The following CYP2A6 variants were observed in gnomAD, a reference collection of about 807,000 sequenced individuals.
CYP2A6 encodes cytochrome P450 family 2 subfamily A member 6.
CYP2A6 carries 27 observed loss-of-function variants against 42.3 expected under a neutral mutation model. The ratio of observed to expected loss-of-function variants is 0.64; its 90% confidence interval spans 0.47 to 0.88. CYP2A6 has a LOEUF of 0.88. CYP2A6 is among the 40% of genes least tolerant of loss of function. The pLI is 0.00. For missense variants in CYP2A6, 628 were observed against 646.0 expected, an observed-to-expected ratio of 0.97 and a Z score of 0.30; for synonymous variants, 238 against 246.3, an observed-to-expected ratio of 0.97 and a Z score of 0.31.
Position 40,843,651 on chromosome 19 carries a change from G to C in CYP2A6, c.*145C>G. ...TATCAAGGTGAACTGAGCCGCTTCT[G>C]TTTCTTCTCTTCCCTCTAGCCACCA... On this transcript the variant is annotated 3_prime_UTR_variant, in exon 9 of 9. Transcript: ENST00000301141. The C allele has an allele frequency of 8.6e-7, 1 of 1,160,130 alleles. No homozygotes were observed. Among genetic ancestry groups the C allele is most frequent in the Non-Finnish European group, 1.2e-6 (1 of 857,646 alleles). The allele number at this position is 1,160,130 out of a possible 1,614,324, so 71.9% of individuals were successfully genotyped here. A position where few individuals can be genotyped will look rare whatever the true frequency, so the allele number is the denominator to read the frequency against.
intron 4 of CYP2A6, 118 bp from the exon 5 acceptor site, chr19:40,847,169 G>A (rs1191188016): frequency 6.9e-7 from 1 of 1,450,168 alleles, no homozygotes; most frequent in East Asian, 2.5e-5. Context: ...CTGTCTCGTT[G>A]TTTAGGTATT....
intron 2 of CYP2A6, among the ~76,000 whole-genome samples, 188 bp from the exon 3 acceptor site, chr19:40,848,951 A>AGAGAGAGAGAAGAGAGAGAG (rs1967154765): frequency 9.7e-6 from 1 of 103,038 alleles, no homozygotes; most frequent in Non-Finnish European, 1.9e-5. Context: ...AGAGAGAGAG[A>AGAGAGAGAGAAGAGAGAGAG]GAGAGAGAGA....
chr19:40,844,199 A>G (rs1379658983), intron 8 of CYP2A6, among the ~76,000 whole-genome samples: 1 of 151,146 alleles, frequency 6.6e-6, no homozygotes, highest in African/African-American at 2.4e-5. Flanking sequence ...AACAAAGTCC[A>G]TAGTTTACAT....
intron 2 of CYP2A6, among the ~76,000 whole-genome samples, 177 bp from the exon 3 acceptor site, chr19:40,848,940 T>TAGAGAGAGAGAGAGAGAG (rs67032351): frequency 1.5e-5 from 1 of 66,164 alleles, no homozygotes; most frequent in African/African-American, 7.0e-5. Flanking sequence ...GATGTCGAGG[T>TAGAGAGAGAGAGAGAGAG]AGAGAGAGAG....
Position 40,845,187 on chromosome 19 carries a change from T to G in CYP2A6, c.1161+107A>C, listed in dbSNP as rs758369741. 8 of 1,431,902 alleles carry G rather than the reference T, an allele frequency of 5.6e-6. No homozygotes were observed. The South Asian group carries it at 9.4e-5, about 17-fold the overall frequency. The allele number at this position is 1,431,902 out of a possible 1,614,324, so 88.7% of individuals were successfully genotyped here. A position where few individuals can be genotyped will look rare whatever the true frequency, so the allele number is the denominator to read the frequency against. ...GTTGGGGAAGTCTTTTTTGACTGAT[T>G]GAGGGAGTGGGACAGGGTCTAGAAA... On this transcript the variant is annotated intron_variant, in intron 7 of 8. Coordinates refer to ENST00000301141, the MANE Select transcript of CYP2A6 (RefSeq NM_000762.6).
chr19:40,847,641 T>A (rs996363619), intron 4 of CYP2A6, among the ~76,000 whole-genome samples: 1 of 151,584 alleles, frequency 6.6e-6, no homozygotes, highest in Non-Finnish European at 1.5e-5. Context: ...GAACACTTAT[T>A]TGTGTGTCAG....
chr19:40,846,149 C>G, intron 5 of CYP2A6, 52 bp from the exon 6 acceptor site: 1 of 1,596,718 alleles, frequency 6.3e-7, no homozygotes, highest in Non-Finnish European at 8.5e-7. Flanking sequence ...CCCTCAGGGC[C>G]CTTCTAGGGC....
In CYP2A6 at chr19:40,845,387, G is replaced by A. The variant is rs923853269; in HGVS notation, c.1068C>T (p.Ile356=). Residue 356 remains isoleucine, a synonymous_variant, in exon 7 of 9, where the codon ATC becomes ATT. Transcript: ENST00000301141. ...RAKMPYMEAV[I]HEIQRFGDVI... ...CGTCTCCAAATCTTTGGATCTCGTG[G>A]ATCACTGCCTCCATGTAGGGCATCT... 56 of 1,611,620 alleles carry A rather than the reference G, an allele frequency of 3.5e-5. No individual in the cohort carries two copies. The highest frequency in any genetic ancestry group is 4.2e-5 in the Non-Finnish European group (50 of 1,179,902).
Position 40,847,719 on chromosome 19 carries a change from AT to A in CYP2A6, c.654+499del, listed in dbSNP as rs199999881. On this transcript the variant is annotated intron_variant, in intron 4 of 8. Transcript: ENST00000301141. ...AGGGCAGCTGTCCATGTTTTCAGGTATTTAAGTGGGTGAAGTAGAGGGCGCT... is the reference window on the plus strand; with the variant it reads ...AGGGCAGCTGTCCATGTTTTCAGGTATTAAGTGGGTGAAGTAGAGGGCGCT... Among the ~76,000 whole-genome samples, 297 of 151,698 alleles carry A rather than the reference AT, an allele frequency of 2.0e-3. 11 individuals carry two copies. The highest frequency in any genetic ancestry group is 0.016 in the Admixed American group (242 of 15,276).
rs971151779 is a variant in CYP2A6, at chr19:40,843,680, C to T, written c.*116G>A. ...CTTCTCTTCCCTCTAGCCACCACGC[C>T]CCTTCCTTTCCGCCATCCTGCCCCC... On this transcript the variant is annotated 3_prime_UTR_variant, in exon 9 of 9. Transcript: ENST00000301141. 9 of 1,222,102 alleles carry T rather than the reference C, an allele frequency of 7.4e-6. 1 individual carries two copies. The highest frequency in any genetic ancestry group is 8.8e-6 in the Non-Finnish European group (8 of 912,542). The allele number at this position is 1,222,102 out of a possible 1,614,324, so 75.7% of individuals were successfully genotyped here. A position where few individuals can be genotyped will look rare whatever the true frequency, so the allele number is the denominator to read the frequency against.
rs2083451678 is a variant in CYP2A6 at position 40,845,457 on chromosome 19, C to T, written c.998G>A (p.Arg333Lys). The T allele has an allele frequency of 6.2e-7, 1 of 1,611,710 alleles. No homozygotes were observed. The highest frequency in any genetic ancestry group is 1.1e-5 in the South Asian group (1 of 90,898). Reference sequence around the variant, plus strand: ...GGGCTGCCGGTTCTTGCCGATCACTCTGTCAATCTCCTCATGGACCTTGGC... The same window carrying T: ...GGGCTGCCGGTTCTTGCCGATCACTTTGTCAATCTCCTCATGGACCTTGGC... ...VEAKVHEEID[R>K]VIGKNRQPKF... The change falls in exon 7 of 9, where the codon AGA becomes AAA. Residue 333 changes from arginine to lysine, a missense_variant. Physicochemically the swap from Arg to Lys is conservative, Grantham distance 26. This residue lies in a region of CYP2A6 where 606 missense variants were observed against 568.1 expected (regional missense o/e 1.07). Transcript: ENST00000301141.
At chr19:40,846,176 C>A in intron 5 of CYP2A6, 79 bp from the exon 6 acceptor site, 1 of 1,576,454 alleles carries the variant, frequency 6.3e-7, no homozygotes, top group Non-Finnish European at 8.6e-7. Flanking sequence ...TTTGGATCTA[C>A]CTCTCTTTGG....
In CYP2A6 at chr19:40,848,781, G is replaced by A. The variant is rs781549568; in HGVS notation, c.344-18C>T. 1.3e-5 allele frequency: 21 copies of A among 1,607,848 alleles called. 1 individual carries two copies. The African/African-American group carries it at 2.7e-4, about 21-fold the overall frequency. ...TACCACGCCTGGGGAGGTGAACGCG[G>A]GAATGGAGACAGGCCAGGGGGCGGC... On this transcript the variant is annotated intron_variant, in intron 2 of 8. Transcript: ENST00000301141.
At chr19:40,845,191 G>A (rs527632948) in intron 7 of CYP2A6, 103 bp downstream of exon 7, 2 of 1,451,556 alleles carry the variant, frequency 1.4e-6, no homozygotes, top group Non-Finnish European at 1.9e-6. Flanking sequence ...ACTGATTGAG[G>A]GAGTGGGACA....
At position 40,848,238 on chromosome 19, in the gene CYP2A6, G is replaced by A. The variant is rs185545560; in HGVS notation, c.635C>T (p.Thr212Met). The A allele has an allele frequency of 4.7e-5, 76 of 1,611,802 alleles. No homozygotes were observed. Among genetic ancestry groups the A allele is most frequent in the Middle Eastern group, 1.7e-4 (1 of 6,060 alleles). The change falls in exon 4 of 9, where the codon ACG (threonine) becomes ATG (methionine). Residue 212 changes from threonine to methionine, a missense_variant. By Grantham distance (81) the Thr-to-Met change is moderately conservative. Around this residue, in one of 2 missense-constraint regions of CYP2A6, gnomAD observed 606 missense variants for 568.1 expected, o/e 1.07. Coordinates refer to ENST00000301141, the MANE Select transcript of CYP2A6 (RefSeq NM_000762.6). The part of the protein sequence containing the change: ...LRMMLGIFQF[T>M]STSTGQLYEM... Reference sequence around the variant, plus strand: ...AGTTACCTGCCCCGTGGAGGTTGACGTGAACTGGAAGATTCCTAGCATCAT... The same window carrying A: ...AGTTACCTGCCCCGTGGAGGTTGACATGAACTGGAAGATTCCTAGCATCAT...
At chr19:40,846,553 T>G (rs1192713952) in intron 5 of CYP2A6, among the ~76,000 whole-genome samples, 1 of 151,172 alleles carries the variant, frequency 6.6e-6, no homozygotes, top group Admixed American at 6.6e-5. Context: ...CAGACTGGAG[T>G]GCAATGCCGT....
At chr19:40,847,190 C>A in intron 4 of CYP2A6, 139 bp from the exon 5 acceptor site, 1 of 1,320,864 alleles carries the variant, frequency 7.6e-7, no homozygotes. Context: ...TCAGTGGGGC[C>A]GGATAGGAAC....
In CYP2A6 at chr19:40,850,299, A is replaced by G. The variant is rs575050301; in HGVS notation, c.128T>C (p.Ile43Thr). The change falls in exon 1 of 9, where the codon ATT becomes ACT. Residue 43 changes from isoleucine (I) to threonine (T), a missense_variant. By Grantham distance (89) the Ile-to-Thr change is moderately conservative. Transcript: ENST00000301141. Reference protein sequence around the residue: ...LPPGPTPLPFIGNYLQLNTEQ... With the variant: ...LPPGPTPLPFTGNYLQLNTEQ... Reference sequence around the variant, plus strand: ...TGTGTTCAGCTGCAGGTAGTTTCCAATGAAGGGCAATGGGGTGGGTCCCGG... The same window carrying G: ...TGTGTTCAGCTGCAGGTAGTTTCCAGTGAAGGGCAATGGGGTGGGTCCCGG... The G allele has an allele frequency of 2.5e-5, 40 of 1,610,044 alleles. 3 individuals are homozygous for G. Among genetic ancestry groups the G allele is most frequent in the South Asian group, 4.4e-5 (4 of 90,792 alleles).
chr19:40,845,273 G>T (rs532833480), intron 7 of CYP2A6, 21 bp downstream of exon 7: 10 of 1,611,418 alleles, frequency 6.2e-6, no homozygotes, highest in South Asian at 1.1e-5. Flanking sequence ...CCGTAGTCTG[G>T]GGGGTGGGGG....
Sources: allele counts gnomAD v4.1 joint callset (sites outside exome capture counted in the v4.1 genomes callset), GRCh38; gene constraint gnomAD v4.1.1; regional missense constraint gnomAD v4.1.1; transcripts MANE v1.5; gene names NCBI Gene and HGNC (gene_info 2026-07-23, HGNC 2026-07-21).